Variants in DACH1 observed in about 807,000 individuals in gnomAD.
The protein encoded by DACH1 is dachshund homolog 1.
DACH1 carries 12 observed loss-of-function variants against 54.2 expected under a neutral mutation model. The ratio of observed to expected loss-of-function variants is 0.22; its 90% confidence interval spans 0.14 to 0.36. The LOEUF is 0.36. Among genes scored for constraint, DACH1 ranks in the 10% least tolerant of loss-of-function variants. DACH1 has a pLI of 1.00. For missense variants in DACH1, 805 were observed against 929.8 expected, an observed-to-expected ratio of 0.87 and a Z score of 1.75; for synonymous variants, 386 against 366.2, an observed-to-expected ratio of 1.05 and a Z score of -0.62.
intron 3 of DACH1, among the ~76,000 whole-genome samples, chr13:71,609,246 T>C (rs1230805055): frequency 6.6e-6 from 1 of 152,088 alleles, no homozygotes; most frequent in African/African-American, 2.4e-5. Context: ...ATCATCCATA[T>C]CTCTAGTCCA....
chr13:71,493,761 T>A (rs984533327), intron 6 of DACH1, among the ~76,000 whole-genome samples: 2 of 152,084 alleles, frequency 1.3e-5, no homozygotes, highest in South Asian at 2.1e-4. Context: ...TTATAAAAAA[T>A]TATTTAAGTG....
At chr13:71,467,681 C>G (rs2138154243) in intron 10 of DACH1, among the ~76,000 whole-genome samples, 1 of 152,072 alleles carries the variant, frequency 6.6e-6, no homozygotes, top group Middle Eastern at 3.4e-3. Flanking sequence ...GAACAATAGT[C>G]CGTTTATTGC....
intron 3 of DACH1, among the ~76,000 whole-genome samples, chr13:71,616,615 A>C (rs2138530283): frequency 6.6e-6 from 1 of 152,138 alleles, no homozygotes; most frequent in East Asian, 1.9e-4. Flanking sequence ...ATATGCCTGT[A>C]GTCTTATTTA....
intron 3 of DACH1, among the ~76,000 whole-genome samples, chr13:71,625,610 C>T (rs746438950): frequency 2.0e-5 from 3 of 151,832 alleles, no homozygotes; most frequent in Non-Finnish European, 4.4e-5. Flanking sequence ...TTGAAGGTGA[C>T]GGCTTTATTC....
In DACH1 at chr13:71,572,980, G is replaced by C; in HGVS notation, c.1159C>G (p.Pro387Ala). The C allele has an allele frequency of 6.2e-7, 1 of 1,613,940 alleles. No individual in the cohort carries two copies. The highest frequency in any genetic ancestry group is 1.1e-5 in the South Asian group (1 of 91,074). ...LELPFMMMPH[P>A]LIPVSLPPAS... ...GGAGGTAGGCTGACAGGAATTAGAG[G>C]GTGGGGCATCATCATAAAAGGAAGT... is the stretch of plus-strand genomic sequence containing the variant. The change falls in exon 4 of 11, where the codon CCT becomes GCT. Residue 387 changes from proline (P) to alanine (A), a missense_variant. Pro to Ala is a conservative substitution (Grantham distance 27, BLOSUM62 -1). Transcript: ENST00000613252.
chr13:71,663,643 C>A (rs1320953610), intron 2 of DACH1, among the ~76,000 whole-genome samples: 3 of 151,916 alleles, frequency 2.0e-5, no homozygotes, highest in Non-Finnish European at 4.4e-5. Flanking sequence ...GGTTAATCAA[C>A]CTTACAGGGA....
chr13:71,567,794 A>T (rs1593908308), intron 4 of DACH1, among the ~76,000 whole-genome samples: 1 of 151,978 alleles, frequency 6.6e-6, no homozygotes, highest in Non-Finnish European at 1.5e-5. Context: ...GCCTTAAATC[A>T]CTAAAATATG....
chr13:71,778,427 A>G (rs993426103), intron 1 of DACH1, among the ~76,000 whole-genome samples: 2 of 152,094 alleles, frequency 1.3e-5, no homozygotes, highest in African/African-American at 4.8e-5. Context: ...TCTGTTTTCA[A>G]ACTTCCCTTC....
intron 1 of DACH1, among the ~76,000 whole-genome samples, chr13:71,832,926 T>C (rs1014115399): frequency 3.3e-5 from 5 of 151,978 alleles, no homozygotes; most frequent in Non-Finnish European, 7.4e-5. Context: ...TTTCCTCTTT[T>C]TTGAGAGAAG....
chr13:71,774,072 A>T (rs1172854556), intron 1 of DACH1, among the ~76,000 whole-genome samples: 2 of 151,872 alleles, frequency 1.3e-5, no homozygotes, highest in Non-Finnish European at 2.9e-5. Flanking sequence ...TTTCAAAATG[A>T]TATTCAGTGA....
At chr13:71,852,995 A>G (rs913877190) in intron 1 of DACH1, among the ~76,000 whole-genome samples, 1 of 152,204 alleles carries the variant, frequency 6.6e-6, no homozygotes, top group Non-Finnish European at 1.5e-5. Flanking sequence ...ATATTTCCAA[A>G]TGCATTTGTA....
In DACH1 at chr13:71,721,999, T is replaced by C. The variant is rs919756832; in HGVS notation, c.849-40089A>G. Among the ~76,000 whole-genome samples the C allele has an allele frequency of 3.3e-5, 5 of 152,262 alleles. No individual in the cohort carries two copies. The East Asian group carries it at 9.6e-4, about 29-fold the overall frequency. On this transcript the variant is annotated intron_variant, in intron 1 of 10. Transcript: ENST00000613252. Reference sequence around the variant, plus strand: ...AATTATGCTCTTAGGCAATTATAAGTCTATACCATTAAATTATTTTTACTC... The same window carrying C: ...AATTATGCTCTTAGGCAATTATAAGCCTATACCATTAAATTATTTTTACTC...
At chr13:71,561,013 TA>T (rs1884549556) in intron 4 of DACH1, among the ~76,000 whole-genome samples, 1 of 152,174 alleles carries the variant, frequency 6.6e-6, no homozygotes, top group Admixed American at 6.5e-5. Context: ...ATCTAAAATG[TA>T]ATTGGCCTGT....
At chr13:71,762,537 C>A (rs73525438) in intron 1 of DACH1, among the ~76,000 whole-genome samples, 1 of 151,888 alleles carries the variant, frequency 6.6e-6, no homozygotes, top group Non-Finnish European at 1.5e-5. Context: ...GAGGCCAAGG[C>A]GAGCAGAACA....
intron 3 of DACH1, among the ~76,000 whole-genome samples, chr13:71,602,006 G>A (rs1298078622): frequency 1.3e-5 from 2 of 151,886 alleles, no homozygotes; most frequent in Non-Finnish European, 2.9e-5. Context: ...AGTATGCATT[G>A]AATACCCTTG....
chr13:71,768,574 T>C (rs950167624), intron 1 of DACH1, among the ~76,000 whole-genome samples: 1 of 151,960 alleles, frequency 6.6e-6, no homozygotes, highest in Non-Finnish European at 1.5e-5. Flanking sequence ...CAGTTACAGT[T>C]CTACAGCCCT....
rs398023338 is a variant in DACH1, at chr13:71,692,506, CTTTTTTTTTTTTTTTTTTTTTT to C, written c.849-10618_849-10597del. On this transcript the variant is annotated intron_variant, in intron 1 of 10. Coordinates refer to ENST00000613252, the MANE Select transcript of DACH1 (RefSeq NM_080759.6). ...CCTTTCTTTTTCTTTCTTTTCTTTC[CTTTTTTTTTTTTTTTTTTTTTT>C]TTTTTTTTTTTGACGGAGTCTTGCT... Among the ~76,000 whole-genome samples the C allele has an allele frequency of 8.7e-3, 387 of 44,476 alleles. 1 individual carries two copies. The highest frequency in any genetic ancestry group is 0.023 in the Admixed American group (53 of 2,284). 29.2% of individuals were successfully genotyped at this position (44,476 alleles called of 152,430 possible).
At chr13:71,759,713 C>A (rs1594187348) in intron 1 of DACH1, among the ~76,000 whole-genome samples, 2 of 152,256 alleles carry the variant, frequency 1.3e-5, no homozygotes, top group African/African-American at 4.8e-5. Flanking sequence ...TGCAACATTA[C>A]ACTTAATGAC....
In DACH1 at chr13:71,487,399, T is replaced by C. The variant is rs545098691; in HGVS notation, c.1722+1598A>G. Reference sequence around the variant, plus strand: ...TAAAGCTGGAGTGTTCTTTTTCTTCTTTTCTTTCTTTCTTTTATTTTTTCT... The same window carrying C: ...TAAAGCTGGAGTGTTCTTTTTCTTCCTTTCTTTCTTTCTTTTATTTTTTCT... On this transcript the variant is annotated intron_variant, in intron 7 of 10. Coordinates refer to ENST00000613252, the MANE Select transcript of DACH1 (RefSeq NM_080759.6). Among the ~76,000 whole-genome samples, 3 of 152,214 alleles carry C rather than the reference T, an allele frequency of 2.0e-5. No individual in the cohort carries two copies. The South Asian group carries it at 6.2e-4, about 32-fold the overall frequency.
Sources: allele counts gnomAD v4.1 joint callset (sites outside exome capture counted in the v4.1 genomes callset), GRCh38; gene constraint gnomAD v4.1.1; transcripts MANE v1.5; gene names NCBI Gene and HGNC (gene_info 2026-07-23, HGNC 2026-07-21).